The following AGXT2 variants were observed in gnomAD, a reference collection of about 807,000 sequenced individuals.
The protein encoded by AGXT2 is alanine--glyoxylate aminotransferase 2, also known as alanine--glyoxylate aminotransferase 2, mitochondrial.
Under a neutral mutation model 62.5 loss-of-function variants are expected in AGXT2, and 61 were observed. That is an observed-to-expected ratio of 0.98 (90% confidence interval 0.79 to 1.21). The LOEUF is 1.21. Ranked by LOEUF, AGXT2 falls within the 50% of genes most tolerant of loss-of-function variation. The pLI is 0.00. For missense variants in AGXT2, 666 were observed against 641.5 expected, an observed-to-expected ratio of 1.04 and a Z score of -0.41; for synonymous variants, 243 against 218.7, an observed-to-expected ratio of 1.11 and a Z score of -0.98.
intron 3 of AGXT2, among the ~76,000 whole-genome samples, chr5:35,037,266 C>T (rs1398677956): frequency 6.6e-6 from 1 of 152,202 alleles, no homozygotes. Flanking sequence ...ATGAATTCCT[C>T]TCCAAGAGCA....
intron 9 of AGXT2, among the ~76,000 whole-genome samples, chr5:35,025,518 T>C (rs1420279978): frequency 6.6e-6 from 1 of 152,236 alleles, no homozygotes; most frequent in Non-Finnish European, 1.5e-5. Flanking sequence ...CACATATGGC[T>C]GTTAGCAACT....
intron 10 of AGXT2, among the ~76,000 whole-genome samples, chr5:35,013,773 ACT>A (rs1381309102): frequency 1.7e-5 from 2 of 118,506 alleles, no homozygotes; most frequent in Non-Finnish European, 3.5e-5. Flanking sequence ...ACAGAGCAAG[ACT>A]CTGTCTCAAA....
rs766123811 is a variant in AGXT2 at position 35,037,011 on chromosome 5, G to T, written c.417C>A (p.Thr139=). ...KQLGRLWHTS[T]VFFHPPMHEY... ...CATGCATTGGAGGGTGGAAGAAGAC[G>T]GTGCTTGTATGCCACAGGCGGCCGA... is the stretch of plus-strand genomic sequence containing the variant. Residue 139 remains threonine, a synonymous_variant, in exon 4 of 14, where the codon ACC becomes ACA. Coordinates refer to ENST00000231420, the MANE Select transcript of AGXT2 (RefSeq NM_031900.4). 5.6e-6 allele frequency: 9 copies of T among 1,614,080 alleles called. No homozygotes were observed. In the Admixed American group the frequency reaches 1.3e-4, roughly 24 times the overall value.
chr5:35,016,673 T>G (rs1561218363), intron 9 of AGXT2, among the ~76,000 whole-genome samples: 1 of 152,146 alleles, frequency 6.6e-6, no homozygotes, highest in African/African-American at 2.4e-5. Flanking sequence ...CCAAATAAAG[T>G]GGTCTTCCTT....
intron 11 of AGXT2, 55 bp from the exon 12 acceptor site, chr5:35,010,204 G>T: frequency 6.2e-7 from 1 of 1,605,424 alleles, no homozygotes; most frequent in South Asian, 1.1e-5. Context: ...AAGATTGACT[G>T]AGAATCGTGG....
In AGXT2 at chr5:35,039,328, G is replaced by A; in HGVS notation, c.358C>T (p.His120Tyr). 1 of 1,613,932 alleles carries A rather than the reference G, an allele frequency of 6.2e-7. No individual in the cohort carries two copies. Among genetic ancestry groups the A allele is most frequent in the Non-Finnish European group, 8.5e-7 (1 of 1,179,824 alleles). ...GIVTVSVGHC[H>Y]PKVNAVAQKQ... Reference sequence around the variant, plus strand: ...CCAGATTTTAAGGATACTCACGGGTGGCAATGGCCAACACTGACAGTAACA... The same window carrying A: ...CCAGATTTTAAGGATACTCACGGGTAGCAATGGCCAACACTGACAGTAACA... The change falls in exon 3 of 14, where the codon CAC becomes TAC. Residue 120 changes from histidine (H) to tyrosine (Y), a missense_variant. His to Tyr is a moderately conservative substitution (Grantham distance 83). Transcript: ENST00000231420.
chr5:35,033,071 A>G (rs1380626707), intron 6 of AGXT2: 1 of 527,000 alleles, frequency 1.9e-6, no homozygotes, highest in East Asian at 3.6e-5. Context: ...TCAAGGGTGC[A>G]GTGGGTAAGG....
intron 11 of AGXT2, among the ~76,000 whole-genome samples, chr5:35,011,915 TACACACACACACACACACACACAC>T (rs57016954): frequency 7.1e-6 from 1 of 140,840 alleles, no homozygotes; most frequent in African/African-American, 2.7e-5. Context: ...ATGTGGTGTA[TACACACACACACACACACACACAC>T]ACACACACAC....
At chr5:35,011,581 G>A (rs1275647543) in intron 11 of AGXT2, among the ~76,000 whole-genome samples, 2 of 151,474 alleles carry the variant, frequency 1.3e-5, no homozygotes, top group Non-Finnish European at 2.9e-5. Flanking sequence ...ATTAATAAAG[G>A]CAGTGTTTTC....
intron 2 of AGXT2, 144 bp from the exon 3 acceptor site, chr5:35,039,652 A>G (rs1356927072): frequency 6.8e-6 from 5 of 739,318 alleles, no homozygotes; most frequent in African/African-American, 5.4e-5. Flanking sequence ...TACTTACCCA[A>G]TATCGTCCCT....
intron 12 of AGXT2, 96 bp downstream of exon 12, chr5:35,009,904 T>C: frequency 6.5e-7 from 1 of 1,538,692 alleles, no homozygotes; most frequent in Non-Finnish European, 9.0e-7. Context: ...TTGTGTCTGC[T>C]CTCTCCTTGA....
intron 7 of AGXT2, among the ~76,000 whole-genome samples, chr5:35,031,186 T>C (rs1400351003): frequency 6.6e-6 from 1 of 152,206 alleles, no homozygotes; most frequent in East Asian, 1.9e-4. Flanking sequence ...GCACTGGCTT[T>C]GGAGTCAGAA....
intron 1 of AGXT2, among the ~76,000 whole-genome samples, chr5:35,046,830 C>T (rs1008050651): frequency 6.6e-6 from 1 of 152,136 alleles, no homozygotes; most frequent in African/African-American, 2.4e-5. Context: ...AATGTACAGA[C>T]AGTTGCTTAA....
At chr5:35,006,020 G>A (rs1766407636) in intron 12 of AGXT2, among the ~76,000 whole-genome samples, 1 of 152,062 alleles carries the variant, frequency 6.6e-6, no homozygotes, top group African/African-American at 2.4e-5. Context: ...CTATATGCAT[G>A]TTTTAAAAAA....
chr5:35,022,747 TAAAA>T (rs58539576), intron 9 of AGXT2, among the ~76,000 whole-genome samples: 63 of 138,614 alleles, frequency 4.5e-4, no homozygotes, highest in South Asian at 1.6e-3. Flanking sequence ...AAGAGAGAAG[TAAAA>T]AAAAAAAAAA....
intron 5 of AGXT2, among the ~76,000 whole-genome samples, chr5:35,034,726 C>G (rs35314502): frequency 0.27 from 41,594 of 152,086 alleles, 6,180 homozygotes; most frequent in Non-Finnish European, 0.34. Flanking sequence ...CAGAAATATA[C>G]AGGGTTATAT....
At chr5:35,003,728 C>A (rs540104011) in intron 13 of AGXT2, 35 bp downstream of exon 13, 3 of 1,574,502 alleles carry the variant, frequency 1.9e-6, no homozygotes, top group African/African-American at 2.7e-5. Flanking sequence ...AGACTCCTAC[C>A]TAGAGCGATA....
rs752043415 is a variant in AGXT2, at chr5:35,026,458, G to T, written c.822C>A (p.Ser274Arg). ...QYIEQFKDTL[S>R]TSVAKSIAGF... ...CAGCAATTGACTTGGCCACAGATGT[G>T]CTCAGCGTATCTTTGAATTGCTCAA... is the stretch of plus-strand genomic sequence containing the variant. Residue 274 changes from serine (S) to arginine (R), a missense_variant, in exon 8 of 14, where the codon AGC becomes AGA. Ser to Arg is a moderately radical substitution (Grantham distance 110, BLOSUM62 -1). Coordinates refer to ENST00000231420, the MANE Select transcript of AGXT2 (RefSeq NM_031900.4). The T allele has an allele frequency of 6.2e-7, 1 of 1,614,116 alleles. No individual in the cohort carries two copies. Among genetic ancestry groups the T allele is most frequent in the African/African-American group, 1.3e-5 (1 of 75,044 alleles).
At chr5:35,022,254 C>CT (rs1767131818) in intron 9 of AGXT2, among the ~76,000 whole-genome samples, 1 of 152,110 alleles carries the variant, frequency 6.6e-6, no homozygotes, top group African/African-American at 2.4e-5. Context: ...AATCACGCTG[C>CT]TATAAAGACA....
Sources: gnomAD v4.1 joint callset for allele counts (sites outside exome capture counted in the v4.1 genomes callset) on GRCh38, gnomAD v4.1.1 for gene constraint, MANE v1.5 for transcripts, NCBI Gene and HGNC (gene_info 2026-07-23, HGNC 2026-07-21) for gene names.